TRPM6: variants seen among roughly 807,000 people sequenced by gnomAD.
TRPM6 encodes channel kinase 2.
In TRPM6, 111 loss-of-function variants were observed where a neutral mutation model predicts 247.6. The ratio of observed to expected loss-of-function variants is 0.45; its 90% CI spans 0.38 to 0.52. The LOEUF is 0.52. Among genes scored for constraint, TRPM6 ranks in the 20% least tolerant of loss-of-function variants. The pLI, the probability that TRPM6 is intolerant of heterozygous loss-of-function variation, is 0.00. For synonymous variants in TRPM6, 892 were observed against 853.8 expected, an observed-to-expected ratio of 1.04 and a Z score of -0.78; for missense variants, 2,126 against 2,421.5, an observed-to-expected ratio of 0.88 and a Z score of 2.56.
intron 27 of TRPM6, among the ~76,000 whole-genome samples, chr9:74,760,304 AC>A: frequency 6.6e-6 from 1 of 152,260 alleles, no homozygotes; most frequent in Non-Finnish European, 1.5e-5. Context: ...ACTTTTACTG[AC>A]CCTTTCTATG....
intron 14 of TRPM6, 47 bp from the exon 15 acceptor site, chr9:74,803,933 A>G (rs888766494): frequency 2.6e-6 from 3 of 1,174,620 alleles, no homozygotes; most frequent in Non-Finnish European, 3.9e-6. Context: ...GCACGTTATT[A>G]TTTTATTTTT....
chr9:74,782,939 C>A, intron 21 of TRPM6, 86 bp from the exon 22 acceptor site: 1 of 1,257,610 alleles, frequency 8.0e-7, no homozygotes, highest in African/African-American at 1.5e-5. Flanking sequence ...CATAACTATA[C>A]CTGCAAATAA....
chr9:74,777,770 G>A (rs1827274758), intron 23 of TRPM6, among the ~76,000 whole-genome samples: 1 of 152,102 alleles, frequency 6.6e-6, no homozygotes, highest in Non-Finnish European at 1.5e-5. Context: ...CAGGCCCGGG[G>A]ACAGAAACCA....
At chr9:74,841,892 T>G (rs1175595716) in intron 4 of TRPM6, among the ~76,000 whole-genome samples, 2 of 152,162 alleles carry the variant, frequency 1.3e-5, no homozygotes, top group African/African-American at 4.8e-5. Flanking sequence ...TTGAAAAATG[T>G]GAAGGCACAA....
Position 74,827,767 on chromosome 9 carries a change from G to A in TRPM6, c.841+11C>T. The A allele has an allele frequency of 1.9e-6, 3 of 1,613,954 alleles. No homozygotes were observed. Among genetic ancestry groups the A allele is most frequent in the East Asian group, 2.2e-5 (1 of 44,850 alleles). ...AACCAGACTGGGTGACTGAGCCCCTGTGATACTCACGGCAGTGTATTTTCT... is the reference window on the plus strand; with the variant it reads ...AACCAGACTGGGTGACTGAGCCCCTATGATACTCACGGCAGTGTATTTTCT... On this transcript the variant is annotated intron_variant, in intron 7 of 38. Transcript: ENST00000360774.
At chr9:74,792,354 T>C (rs945505614) in intron 19 of TRPM6, among the ~76,000 whole-genome samples, 1 of 152,132 alleles carries the variant, frequency 6.6e-6, no homozygotes, top group Non-Finnish European at 1.5e-5. Context: ...CAAAGCCAGC[T>C]AGATCTTCCC....
At chr9:74,873,978 G>T (rs938553098) in intron 1 of TRPM6, among the ~76,000 whole-genome samples, 1 of 152,100 alleles carries the variant, frequency 6.6e-6, no homozygotes, top group African/African-American at 2.4e-5. Flanking sequence ...GCTCACAACT[G>T]TAATGCTAGC....
Position 74,724,547 on chromosome 9 carries a change from A to G in TRPM6, c.*66T>C. ...TGATGTAATCAACATCACGTTGATCAATCTATGTTATCACAGAGTTCCTGG... is the reference window on the plus strand; with the variant it reads ...TGATGTAATCAACATCACGTTGATCGATCTATGTTATCACAGAGTTCCTGG... On this transcript the variant is annotated 3_prime_UTR_variant, in exon 39 of 39. Coordinates refer to ENST00000360774, the MANE Select transcript of TRPM6 (RefSeq NM_017662.5). 1.2e-6 allele frequency: 2 copies of G among 1,611,054 alleles called. No homozygotes were observed. Among genetic ancestry groups the G allele is most frequent in the Non-Finnish European group, 1.7e-6 (2 of 1,177,958 alleles).
At position 74,776,016 on chromosome 9, in the gene TRPM6, G is replaced by A; in HGVS notation, c.3270C>T (p.Arg1090=). 6.2e-7 allele frequency: 1 copy of A among 1,614,110 alleles called. No individual in the cohort carries two copies. The highest frequency in any genetic ancestry group is 1.1e-5 in the South Asian group (1 of 91,078). The change falls in exon 24 of 39, where the codon CGC becomes CGT. Residue 1090 remains arginine (R), a synonymous_variant. Transcript: ENST00000360774. ...GCTTCTCGTGGTAGGTCATGATGTA[G>A]CGATAGCGGTTGTATTTCCACAGGT... is the stretch of plus-strand genomic sequence containing the variant. The part of the protein sequence containing the change: ...SNNLWKYNRY[R]YIMTYHEKPW...
chr9:74,886,662 A>T (rs1463561494), intron 1 of TRPM6, among the ~76,000 whole-genome samples: 1 of 152,192 alleles, frequency 6.6e-6, no homozygotes. Context: ...TTATAGGATT[A>T]CTGCCAGGAT....
At chr9:74,728,177 T>C in intron 38 of TRPM6, 62 bp downstream of exon 38, 1 of 1,222,034 alleles carries the variant, frequency 8.2e-7, no homozygotes, top group Non-Finnish European at 1.2e-6. Flanking sequence ...TTATCCCAGG[T>C]TACAAAGGAT....
rs71912381 is a variant in TRPM6, at chr9:74,790,006, ATGTG to A, written c.2539-1268_2539-1265del. 1.2e-3 allele frequency among the ~76,000 whole-genome samples: 155 copies of A among 132,816 alleles called. 1 individual carries two copies. The highest frequency in any genetic ancestry group is 2.8e-3 in the South Asian group (11 of 3,920). 87.1% of individuals were successfully genotyped at this position (132,816 alleles called of 152,430 possible). A position where few individuals can be genotyped will look rare whatever the true frequency, so the allele number is the denominator to read the frequency against. ...AAAAAGAAAATCAGTTGAGAGAAAAATGTGTGTGTGTGTGTGTGTGTGTGTGTGT... is the reference window on the plus strand; with the variant it reads ...AAAAAGAAAATCAGTTGAGAGAAAAATGTGTGTGTGTGTGTGTGTGTGTGT... On this transcript the variant is annotated intron_variant, in intron 19 of 38. Coordinates refer to ENST00000360774, the MANE Select transcript of TRPM6 (RefSeq NM_017662.5).
At position 74,781,320 on chromosome 9, in the gene TRPM6, G is replaced by C. The variant is rs909358923; in HGVS notation, c.3209+1042C>G. Among the ~76,000 whole-genome samples the C allele has an allele frequency of 2.0e-5, 3 of 152,018 alleles. No homozygotes were observed. In the East Asian group the frequency reaches 5.8e-4, roughly 29 times the overall value. Reference sequence around the variant, plus strand: ...GGAGGCAGAGGCAGGTGGATCACTTGAGGTCAGGAATTTGAGACCAGCCTG... The same window carrying C: ...GGAGGCAGAGGCAGGTGGATCACTTCAGGTCAGGAATTTGAGACCAGCCTG... On this transcript the variant is annotated intron_variant, in intron 23 of 38. Coordinates refer to ENST00000360774, the MANE Select transcript of TRPM6 (RefSeq NM_017662.5).
chr9:74,887,347 C>T, intron 1 of TRPM6: 1 of 1,391,838 alleles, frequency 7.2e-7, no homozygotes, highest in Non-Finnish European at 9.3e-7. Flanking sequence ...CCTCGGAAAG[C>T]CGCGACCCCC....
Position 74,755,437 on chromosome 9 carries a change from ACTGGT to A in TRPM6, c.4817_4821del (p.Asp1606ValfsTer12). On this transcript the variant is annotated frameshift_variant, in exon 28 of 39. Transcript: ENST00000360774. LOFTEE classifies it high-confidence loss of function. ...CTGTTTTCTCCTGGCTCTGGATTCA[ACTGGT>A]CACTCTGAGAGCAGGCATTGACTGT... is the stretch of plus-strand genomic sequence containing the variant. 6.2e-7 allele frequency: 1 copy of A among 1,614,164 alleles called. No individual in the cohort carries two copies. The highest frequency in any genetic ancestry group is 1.3e-5 in the African/African-American group (1 of 75,066).
intron 30 of TRPM6, among the ~76,000 whole-genome samples, chr9:74,748,234 G>C (rs1826117200): frequency 6.6e-6 from 1 of 152,160 alleles, no homozygotes; most frequent in Admixed American, 6.5e-5. Context: ...TGTGCTGCCA[G>C]TCATATAAAA....
In TRPM6 at chr9:74,782,612, A is replaced by C. The variant is rs1827502866; in HGVS notation, c.3094+67T>G. 5 of 1,559,530 alleles carry C rather than the reference A, an allele frequency of 3.2e-6. No homozygotes were observed. The South Asian group carries it at 5.6e-5, about 17-fold the overall frequency. ...TTTAAGATTTAGATGATTGTTTTTC[A>C]GATGTATTTTACTCTTGTTAACTAT... On this transcript the variant is annotated intron_variant, in intron 22 of 38. Coordinates refer to ENST00000360774, the MANE Select transcript of TRPM6 (RefSeq NM_017662.5).
At chr9:74,853,654 A>T in intron 3 of TRPM6, among the ~76,000 whole-genome samples, 1 of 152,132 alleles carries the variant, frequency 6.6e-6, no homozygotes, top group East Asian at 1.9e-4. Context: ...AGATGCTTGA[A>T]GGCAGCATGC....
intron 33 of TRPM6, among the ~76,000 whole-genome samples, chr9:74,741,909 A>AAAAT (rs1203695778): frequency 6.6e-6 from 1 of 151,994 alleles, no homozygotes. Flanking sequence ...AATAAAAATA[A>AAAAT]AAATAAATAA....
Sources: allele counts gnomAD v4.1 joint callset (sites outside exome capture counted in the v4.1 genomes callset), GRCh38; gene constraint gnomAD v4.1.1; transcripts MANE v1.5; gene names NCBI Gene and HGNC (gene_info 2026-07-23, HGNC 2026-07-21).